The following SYT12 variants were observed in gnomAD, a reference collection of about 807,000 sequenced individuals.
The protein encoded by SYT12 is synaptotagmin-12.
Under a neutral mutation model 39.5 loss-of-function variants are expected in SYT12, and 27 were observed. The observed-to-expected ratio is 0.68, with a 90% CI of 0.50 to 0.94. The LOEUF (loss-of-function observed/expected upper bound fraction) is 0.94. Ranked by LOEUF, SYT12 falls within the 40% of genes least tolerant of loss-of-function variation. The pLI is 0.00. For missense variants in SYT12, 536 were observed against 572.6 expected (o/e 0.94, Z 0.65); for synonymous variants, 233 against 239.7 (o/e 0.97, Z 0.26).
intron 3 of SYT12, among the ~76,000 whole-genome samples, chr11:67,037,187 A>C (rs984131452): frequency 2.6e-5 from 4 of 152,170 alleles, no homozygotes; most frequent in African/African-American, 9.7e-5. Flanking sequence ...CCTAGGAGCC[A>C]AGATCGTGGC....
chr11:67,045,201 C>T (rs76015445), intron 6 of SYT12, among the ~76,000 whole-genome samples: 3 of 141,962 alleles, frequency 2.1e-5, no homozygotes, highest in African/African-American at 2.6e-5. Flanking sequence ...AAGCAGTGAC[C>T]GTGGAGGCAG....
chr11:67,008,999 G>A (rs1488705250), intron 1 of SYT12, among the ~76,000 whole-genome samples: 1 of 152,046 alleles, frequency 6.6e-6, no homozygotes, highest in Non-Finnish European at 1.5e-5. Context: ...CTTCATGCAT[G>A]TGGGTTCTTG....
At chr11:67,046,542 C>G (rs1001139370) in intron 7 of SYT12, among the ~76,000 whole-genome samples, 1 of 152,258 alleles carries the variant, frequency 6.6e-6, no homozygotes, top group Non-Finnish European at 1.5e-5. Context: ...TCTCCCCCAA[C>G]CCGGGGACCC....
Position 67,023,257 on chromosome 11 carries a change from C to G in SYT12, c.-227C>G, listed in dbSNP as rs920049081. ...CGCGGCGGGCTCCTGGGAGCGTGCC[C>G]GGACTGCGGCGCAGCTCCGGTCCGC... On this transcript the variant is annotated 5_prime_UTR_variant, in exon 1 of 8. Transcript: ENST00000527043. 6.0e-5 allele frequency: 9 copies of G among 150,118 alleles called. No individual in the cohort carries two copies. The highest frequency in any genetic ancestry group is 1.9e-4 in the African/African-American group (8 of 41,202). The allele number at this position is 150,118 out of a possible 1,614,324, so 9.3% of individuals were successfully genotyped here. A position where few individuals can be genotyped will look rare whatever the true frequency, so the allele number is the denominator to read the frequency against.
intron 1 of SYT12, chr11:67,027,359 G>T (rs1565331920): frequency 6.6e-6 from 1 of 152,232 alleles, no homozygotes; most frequent in Admixed American, 6.6e-5. Flanking sequence ...AACTAGCTGG[G>T]CATGGTGGCT....
chr11:67,035,311 T>A, intron 3 of SYT12, among the ~76,000 whole-genome samples: 1 of 150,830 alleles, frequency 6.6e-6, no homozygotes. Context: ...GCTTTTTAAC[T>A]GCTAACGTTT....
intron 4 of SYT12, among the ~76,000 whole-genome samples, chr11:67,042,335 T>A (rs1950527746): frequency 6.6e-6 from 1 of 152,070 alleles, no homozygotes; most frequent in South Asian, 2.1e-4. Context: ...ATGTTGCCTG[T>A]GGTTTGGGGA....
At chr11:67,031,259 A>T (rs1340115692) in intron 2 of SYT12, 1 of 152,310 alleles carries the variant, frequency 6.6e-6, no homozygotes, top group Non-Finnish European at 1.5e-5. Context: ...TGCAGCGCCC[A>T]GCATGGTGCA....
chr11:67,019,137 C>A (rs201453180), upstream of SYT12, among the ~76,000 whole-genome samples: 3 of 152,262 alleles, frequency 2.0e-5, no homozygotes, highest in East Asian at 1.9e-4. Context: ...TGGTGGCAGA[C>A]GAGAGAAAAT....
Position 67,044,548 on chromosome 11 carries a change from A to G in SYT12, c.838-45A>G. 4.4e-6 allele frequency: 7 copies of G among 1,599,362 alleles called. No homozygotes were observed. The South Asian group carries it at 4.5e-5, about 10-fold the overall frequency. On this transcript the variant is annotated intron_variant, in intron 5 of 7. Coordinates refer to ENST00000527043, the MANE Select transcript of SYT12 (RefSeq NM_177963.4). Reference sequence around the variant, plus strand: ...ACCAAGGCTTTCCCTGGACCCCTCAAGTCGGGTGGGGAGAAGCCCTCTGAG... The same window carrying G: ...ACCAAGGCTTTCCCTGGACCCCTCAGGTCGGGTGGGGAGAAGCCCTCTGAG...
intron 2 of SYT12, 125 bp from the exon 3 acceptor site, chr11:67,034,520 T>C (rs1339038239): frequency 8.9e-6 from 7 of 790,016 alleles, no homozygotes; most frequent in Non-Finnish European, 1.1e-5. Flanking sequence ...ACATGGGATC[T>C]CCAGCACCTA....
Position 67,039,848 on chromosome 11 carries a change from G to C in SYT12, c.266G>C (p.Arg89Pro), listed in dbSNP as rs200281326. ...PAWNAQRASTRGPPSRKGSLS... is the reference protein window; with the variant it reads ...PAWNAQRASTPGPPSRKGSLS... Reference sequence around the variant, plus strand: ...TGGAATGCCCAGCGGGCCAGCACGCGGGGACCACCCAGCCGCAAAGGCAGT... The same window carrying C: ...TGGAATGCCCAGCGGGCCAGCACGCCGGGACCACCCAGCCGCAAAGGCAGT... The change falls in exon 4 of 8, where the codon CGG (arginine) becomes CCG (proline). Residue 89 changes from arginine to proline, a missense_variant. Physicochemically the swap from Arg to Pro is moderately radical, Grantham distance 103. Coordinates refer to ENST00000527043, the MANE Select transcript of SYT12 (RefSeq NM_177963.4). 1 of 1,612,676 alleles carries C rather than the reference G, an allele frequency of 6.2e-7. No individual in the cohort carries two copies. Among genetic ancestry groups the C allele is most frequent in the Non-Finnish European group, 8.5e-7 (1 of 1,179,962 alleles).
At position 67,045,799 on chromosome 11, in the gene SYT12, GA is replaced by G. The variant is rs773713085; in HGVS notation, c.1015del (p.Thr339GlnfsTer3). The G allele has an allele frequency of 6.2e-7, 1 of 1,613,910 alleles. No individual in the cohort carries two copies. The highest frequency in any genetic ancestry group is 1.3e-5 in the African/African-American group (1 of 74,954). On this transcript the variant is annotated frameshift_variant, in exon 7 of 8. Transcript: ENST00000527043. LOFTEE classifies it high-confidence loss of function. ...QDGRKMSKKK[T>X]AVKRDDPNPV... ...ATGGGAGGAAGATGAGCAAAAAGAAGACAGCCGTGAAGAGGGATGACCCCAA... is the reference window on the plus strand; with the variant it reads ...ATGGGAGGAAGATGAGCAAAAAGAAGCAGCCGTGAAGAGGGATGACCCCAA...
Position 67,034,804 on chromosome 11 carries a change from A to T in SYT12, c.194A>T (p.Lys65Met), listed in dbSNP as rs1166512947. ...TACGACTACAGGTACCTTCAGCAGAAGTACGGCGAGAGCTGCGCAGAGGCC... is the reference window on the plus strand; with the variant it reads ...TACGACTACAGGTACCTTCAGCAGATGTACGGCGAGAGCTGCGCAGAGGCC... ...PNYDYRYLQQ[K>M]YGESCAEARE... Residue 65 changes from lysine (K) to methionine (M), a missense_variant, in exon 3 of 8, where the codon AAG (lysine) becomes ATG (methionine). Physicochemically the swap from Lys to Met is moderately conservative, Grantham distance 95 (BLOSUM62 -1). Transcript: ENST00000527043. 6.3e-7 allele frequency: 1 copy of T among 1,588,046 alleles called. No individual in the cohort carries two copies. The highest frequency in any genetic ancestry group is 1.9e-5 in the Admixed American group (1 of 52,972).
chr11:67,021,129 A>G (rs140574570), upstream of SYT12, among the ~76,000 whole-genome samples: 612 of 152,190 alleles, frequency 4.0e-3, 4 homozygotes, highest in African/African-American at 0.014. Flanking sequence ...TTTGATTCAT[A>G]ATGGGCATTT....
At chr11:67,045,977 TG>T in intron 7 of SYT12, 100 bp downstream of exon 7, 1 of 1,492,342 alleles carries the variant, frequency 6.7e-7, no homozygotes, top group Non-Finnish European at 9.1e-7. Flanking sequence ...GCAGGGGTAG[TG>T]GTTTGCCTCC....
chr11:67,040,287 G>A (rs1591373045), intron 4 of SYT12, 84 bp downstream of exon 4: 4 of 1,506,888 alleles, frequency 2.7e-6, no homozygotes, highest in African/African-American at 2.8e-5. Context: ...GGGCCCGGCA[G>A]GATCCCAGAA....
chr11:67,025,318 G>A (rs1039887373), intron 1 of SYT12, among the ~76,000 whole-genome samples: 1 of 152,228 alleles, frequency 6.6e-6, no homozygotes, highest in Non-Finnish European at 1.5e-5. Flanking sequence ...TGATCGAGCT[G>A]GAATTTGAAC....
chr11:67,036,160 G>A (rs1170741226), intron 3 of SYT12, among the ~76,000 whole-genome samples: 1 of 151,814 alleles, frequency 6.6e-6, no homozygotes, highest in East Asian at 1.9e-4. Flanking sequence ...TAAGAGATCT[G>A]CCCGCCTTGG....
Sources: gnomAD v4.1 joint callset for allele counts (sites outside exome capture counted in the v4.1 genomes callset) on GRCh38, gnomAD v4.1.1 for gene constraint, MANE v1.5 for transcripts, NCBI Gene and HGNC (gene_info 2026-07-23, HGNC 2026-07-21) for gene names.